The following CNTNAP2 variants were observed in gnomAD, a reference collection of about 807,000 sequenced individuals.
The protein encoded by CNTNAP2 is contactin associated protein 2, also known as contactin-associated protein-like 2.
CNTNAP2 carries 98 observed loss-of-function variants against 155.2 expected under a neutral mutation model. The ratio of observed to expected loss-of-function variants is 0.63; its 90% CI spans 0.54 to 0.75. The LOEUF is 0.75. Among genes scored for constraint, CNTNAP2 ranks in the 30% least tolerant of loss-of-function variants. CNTNAP2 has a pLI of 0.00. For missense variants in CNTNAP2, 1,727 were observed against 1,688.1 expected (o/e 1.02, Z -0.40); for synonymous variants, 651 against 631.2 (o/e 1.03, Z -0.47).
At position 148,263,567 on chromosome 7, in the gene CNTNAP2, T is replaced by C. The variant is rs560201171; in HGVS notation, c.3382-3466T>C. Reference sequence around the variant, plus strand: ...TCCTGGCCAACATAGTGAAACCCCGTCTCTACTAAAAATACAAAAATTAGC... The same window carrying C: ...TCCTGGCCAACATAGTGAAACCCCGCCTCTACTAAAAATACAAAAATTAGC... On this transcript the variant is annotated intron_variant, in intron 20 of 23. Coordinates refer to ENST00000361727, the MANE Select transcript of CNTNAP2 (RefSeq NM_014141.6). 2.2e-3 allele frequency among the ~76,000 whole-genome samples: 336 copies of C among 151,976 alleles called. 2 individuals carry two copies. The highest frequency in any genetic ancestry group is 7.1e-3 in the African/African-American group (295 of 41,464).
At chr7:147,884,714 A>C (rs561692222) in intron 13 of CNTNAP2, among the ~76,000 whole-genome samples, 1 of 152,292 alleles carries the variant, frequency 6.6e-6, no homozygotes, top group African/African-American at 2.4e-5. Context: ...CACTTGAAAA[A>C]TCTGCCACTT....
At chr7:146,564,605 A>G (rs1048096870) in intron 1 of CNTNAP2, among the ~76,000 whole-genome samples, 1 of 148,964 alleles carries the variant, frequency 6.7e-6, no homozygotes, top group African/African-American at 2.4e-5. Context: ...TAATATATAA[A>G]TGTAGCATAT....
At chr7:146,619,940 T>C (rs1386477916) in intron 1 of CNTNAP2, among the ~76,000 whole-genome samples, 4 of 152,200 alleles carry the variant, frequency 2.6e-5, no homozygotes, top group African/African-American at 4.8e-5. Flanking sequence ...GTGTTAAAGA[T>C]GTATAAAAAT....
At chr7:147,368,082 CCTCT>C (rs201434110) in intron 9 of CNTNAP2, among the ~76,000 whole-genome samples, 22 of 51,046 alleles carry the variant, frequency 4.3e-4, no homozygotes, top group South Asian at 2.7e-3. Context: ...TCCCTCCTTT[CCTCT>C]CTCTCTCTGT....
intron 1 of CNTNAP2, among the ~76,000 whole-genome samples, chr7:146,625,524 A>G (rs1799404099): frequency 6.6e-6 from 1 of 152,124 alleles, no homozygotes; most frequent in Non-Finnish European, 1.5e-5. Flanking sequence ...AAATTAACAA[A>G]CTAGTATTTG....
intron 8 of CNTNAP2, among the ~76,000 whole-genome samples, chr7:147,172,470 G>A (rs1479463141): frequency 1.3e-5 from 2 of 152,000 alleles, no homozygotes; most frequent in African/African-American, 4.8e-5. Context: ...TTATTCAGTA[G>A]AATCATTGCC....
intron 2 of CNTNAP2, among the ~76,000 whole-genome samples, chr7:146,817,391 G>A (rs1416602593): frequency 1.3e-5 from 2 of 151,750 alleles, no homozygotes; most frequent in African/African-American, 2.4e-5. Flanking sequence ...AGAATTGCTT[G>A]AACCCGGGAG....
intron 10 of CNTNAP2, among the ~76,000 whole-genome samples, chr7:147,480,935 G>T (rs1798411494): frequency 6.6e-6 from 1 of 152,136 alleles, no homozygotes; most frequent in African/African-American, 2.4e-5. Flanking sequence ...AGATTCCTAT[G>T]CACACAAAGG....
At chr7:147,639,835 G>A (rs2116925260) in intron 13 of CNTNAP2, among the ~76,000 whole-genome samples, 1 of 152,302 alleles carries the variant, frequency 6.6e-6, no homozygotes, top group East Asian at 1.9e-4. Flanking sequence ...GTGTGTGAGT[G>A]TGCACATGCA....
At chr7:146,325,289 A>C (rs1801077695) in intron 1 of CNTNAP2, among the ~76,000 whole-genome samples, 1 of 152,202 alleles carries the variant, frequency 6.6e-6, no homozygotes, top group Non-Finnish European at 1.5e-5. Context: ...GAGTTTTAAA[A>C]AATTATAACA....
intron 15 of CNTNAP2, among the ~76,000 whole-genome samples, chr7:148,037,362 G>A (rs1410003144): frequency 1.3e-5 from 2 of 152,230 alleles, no homozygotes; most frequent in African/African-American, 2.4e-5. Context: ...TTATAAGGCA[G>A]ATAGTATGTG....
intron 12 of CNTNAP2, among the ~76,000 whole-genome samples, chr7:147,591,437 G>C (rs180729214): frequency 1.5e-3 from 221 of 152,142 alleles, no homozygotes; most frequent in African/African-American, 4.9e-3. Context: ...TTAGCTTTAT[G>C]TCCTCTTTAA....
intron 13 of CNTNAP2, among the ~76,000 whole-genome samples, chr7:147,727,651 A>C (rs1039682327): frequency 1.3e-5 from 2 of 151,924 alleles, no homozygotes; most frequent in Non-Finnish European, 2.9e-5. Context: ...TTTACAGGTG[A>C]GGAAGCAGCT....
intron 20 of CNTNAP2, among the ~76,000 whole-genome samples, chr7:148,232,053 G>T (rs778323778): frequency 5.3e-5 from 8 of 152,172 alleles, no homozygotes; most frequent in Non-Finnish European, 1.2e-4. Flanking sequence ...ACTGCAGTAA[G>T]ATTTCTGAAT....
chr7:147,304,569 G>C (rs1794994442), intron 9 of CNTNAP2, among the ~76,000 whole-genome samples: 1 of 152,134 alleles, frequency 6.6e-6, no homozygotes, highest in Admixed American at 6.5e-5. Flanking sequence ...GAAGCTTCTA[G>C]AGCCAGTCTT....
chr7:146,313,192 CT>C (rs1452370700), intron 1 of CNTNAP2, among the ~76,000 whole-genome samples: 7 of 152,262 alleles, frequency 4.6e-5, no homozygotes, highest in Admixed American at 4.6e-4. Flanking sequence ...CAAGGGTTAC[CT>C]TTTCTCCACA....
At chr7:147,355,092 T>C (rs1427210276) in intron 9 of CNTNAP2, among the ~76,000 whole-genome samples, 1 of 152,056 alleles carries the variant, frequency 6.6e-6, no homozygotes, top group African/African-American at 2.4e-5. Context: ...AGAGACAACT[T>C]GACATCTGGC....
At chr7:146,701,714 A>G (rs541042571) in intron 1 of CNTNAP2, among the ~76,000 whole-genome samples, 3 of 152,248 alleles carry the variant, frequency 2.0e-5, no homozygotes, top group South Asian at 4.1e-4. Context: ...ATAGTATGAC[A>G]TCTACTTTGA....
intron 15 of CNTNAP2, among the ~76,000 whole-genome samples, chr7:148,071,960 G>A (rs565246585): frequency 2.6e-5 from 4 of 152,272 alleles, no homozygotes; most frequent in African/African-American, 4.8e-5. Flanking sequence ...CTGACCCTGC[G>A]CTTCGTAGCA....
Sources: allele counts gnomAD v4.1 joint callset (sites outside exome capture counted in the v4.1 genomes callset), GRCh38; gene constraint gnomAD v4.1.1; transcripts MANE v1.5; gene names NCBI Gene and HGNC (gene_info 2026-07-23, HGNC 2026-07-21).